SYK: variants seen among roughly 807,000 people sequenced by gnomAD.
SYK encodes the protein spleen associated tyrosine kinase, also known as tyrosine-protein kinase SYK.
SYK carries 16 observed loss-of-function variants against 77.8 expected under a neutral mutation model. That is an observed-to-expected ratio of 0.21 (90% confidence interval 0.14 to 0.31). The LOEUF is 0.31. Among genes scored for constraint, SYK ranks in the 10% least tolerant of loss-of-function variants. The pLI is 1.00. For synonymous variants in SYK, 312 were observed against 308.7 expected (o/e 1.01, Z -0.11); for missense variants, 529 against 814.4 (o/e 0.65, Z 4.26).
chr9:90,891,104 C>A (rs1828767248), intron 13 of SYK, among the ~76,000 whole-genome samples: 1 of 151,010 alleles, frequency 6.6e-6, no homozygotes, highest in South Asian at 2.1e-4. Flanking sequence ...TTTTATTATG[C>A]AGATGAGGTC....
At chr9:90,831,759 A>G (rs1235855603) in intron 1 of SYK, among the ~76,000 whole-genome samples, 2 of 152,218 alleles carry the variant, frequency 1.3e-5, no homozygotes, top group African/African-American at 4.8e-5. Context: ...GCACAAGGTG[A>G]CACTCTGCTT....
chr9:90,868,200 A>G (rs916076322), intron 7 of SYK, among the ~76,000 whole-genome samples: 25 of 152,238 alleles, frequency 1.6e-4, no homozygotes, highest in African/African-American at 6.0e-4. Flanking sequence ...CGAGAGGAAG[A>G]AAAGGTTTAT....
rs997969105 is a variant in SYK at position 90,897,182 on chromosome 9, G to A, written c.*1582G>A. ...GGACAGCAGGCCCTCCTCTAACAGGGGATGCAAGGCATGGAGAAAGACAAT... is the reference window on the plus strand; with the variant it reads ...GGACAGCAGGCCCTCCTCTAACAGGAGATGCAAGGCATGGAGAAAGACAAT... On this transcript the variant is annotated 3_prime_UTR_variant, in exon 14 of 14. Coordinates refer to ENST00000375754, the MANE Select transcript of SYK (RefSeq NM_003177.7). 2.2e-5 allele frequency: 5 copies of A among 231,228 alleles called. No homozygotes were observed. The highest frequency in any genetic ancestry group is 6.1e-5 in the East Asian group (1 of 16,390). 14.3% of individuals were successfully genotyped at this position (231,228 alleles called of 1,614,324 possible).
chr9:90,820,123 T>C (rs964946635), intron 1 of SYK, among the ~76,000 whole-genome samples: 2 of 152,220 alleles, frequency 1.3e-5, no homozygotes. Context: ...TTGGACAGCT[T>C]CATCCCTGTG....
chr9:90,821,801 T>C (rs1825528409), intron 1 of SYK, among the ~76,000 whole-genome samples: 1 of 152,152 alleles, frequency 6.6e-6, no homozygotes, highest in Non-Finnish European at 1.5e-5. Flanking sequence ...GACTTTGCTG[T>C]TTAGAGTACC....
intron 1 of SYK, among the ~76,000 whole-genome samples, chr9:90,821,979 T>G (rs1825535090): frequency 6.6e-6 from 1 of 152,094 alleles, no homozygotes. Context: ...ATAAGGTGCC[T>G]TTACACAGAA....
chr9:90,855,277 T>C (rs1465702293), intron 3 of SYK, among the ~76,000 whole-genome samples: 1 of 152,196 alleles, frequency 6.6e-6, no homozygotes, highest in Non-Finnish European at 1.5e-5. Flanking sequence ...TGCAAAGGAT[T>C]AATAACATCT....
chr9:90,879,515 A>G (rs1282062177), intron 11 of SYK, among the ~76,000 whole-genome samples: 1 of 152,238 alleles, frequency 6.6e-6, no homozygotes, highest in Non-Finnish European at 1.5e-5. Flanking sequence ...CTATTCCAAA[A>G]TAACTTTCTA....
chr9:90,819,623 T>C (rs1316749312), intron 1 of SYK, among the ~76,000 whole-genome samples: 1 of 152,126 alleles, frequency 6.6e-6, no homozygotes, highest in Non-Finnish European at 1.5e-5. Flanking sequence ...CTGGCCCCCA[T>C]GATTCAATTA....
Position 90,853,859 on chromosome 9 carries a change from C to T in SYK, c.578+8265C>T, listed in dbSNP as rs548141554. 5.8e-4 allele frequency among the ~76,000 whole-genome samples: 88 copies of T among 151,550 alleles called. 1 individual carries two copies. Among genetic ancestry groups the T allele is most frequent in the South Asian group, 3.8e-3 (18 of 4,768 alleles). On this transcript the variant is annotated intron_variant, in intron 3 of 13. Coordinates refer to ENST00000375754, the MANE Select transcript of SYK (RefSeq NM_003177.7). ...CACATTGTGCACATGTACCCTAAAA[C>T]TTAAAGTATAATAATAATAAAATAA... is the stretch of plus-strand genomic sequence containing the variant.
chr9:90,822,387 T>A (rs1288549123), intron 1 of SYK, among the ~76,000 whole-genome samples: 1 of 152,202 alleles, frequency 6.6e-6, no homozygotes, highest in African/African-American at 2.4e-5. Context: ...AGTAGACAGA[T>A]CACAGCCTTC....
intron 11 of SYK, among the ~76,000 whole-genome samples, chr9:90,881,400 C>G (rs1828143641): frequency 6.6e-6 from 1 of 152,038 alleles, no homozygotes; most frequent in African/African-American, 2.4e-5. Context: ...AAAAAGTGGG[C>G]CGGGCGTGGT....
chr9:90,844,946 A>T (rs1055369971), intron 2 of SYK, among the ~76,000 whole-genome samples: 31 of 151,690 alleles, frequency 2.0e-4, no homozygotes, highest in Admixed American at 1.8e-3. Flanking sequence ...TTTATTTTTT[A>T]TTTTTTTGAG....
intron 1 of SYK, among the ~76,000 whole-genome samples, chr9:90,803,881 C>T (rs1824713805): frequency 1.3e-5 from 2 of 152,024 alleles, no homozygotes; most frequent in African/African-American, 4.8e-5. Context: ...CCTGTAATTC[C>T]ATGCATTAAT....
intron 1 of SYK, among the ~76,000 whole-genome samples, chr9:90,810,962 G>A (rs530401040): frequency 1.3e-4 from 20 of 151,678 alleles, no homozygotes; most frequent in African/African-American, 2.2e-4. Flanking sequence ...ACGGCAAATC[G>A]TTTGGAAAAA....
rs759073704 is a variant in SYK at position 90,843,874 on chromosome 9, G to C, written c.-25G>C. Reference sequence around the variant, plus strand: ...CTTGCCCAGGTGGACACCTGCGCAGGTGTGTGCCCTCCGGCCCCTGAAGCA... The same window carrying C: ...CTTGCCCAGGTGGACACCTGCGCAGCTGTGTGCCCTCCGGCCCCTGAAGCA... On this transcript the variant is annotated 5_prime_UTR_variant, in exon 2 of 14. Coordinates refer to ENST00000375754, the MANE Select transcript of SYK (RefSeq NM_003177.7). 2.1e-5 allele frequency: 31 copies of C among 1,487,988 alleles called. No individual in the cohort carries two copies. Among genetic ancestry groups the C allele is most frequent in the African/African-American group, 4.2e-5 (3 of 71,442 alleles). 92.2% of individuals were successfully genotyped at this position (1,487,988 alleles called of 1,614,324 possible). A position where few individuals can be genotyped will look rare whatever the true frequency, so the allele number is the denominator to read the frequency against.
At chr9:90,875,098 A>G (rs1403499403) in intron 9 of SYK, among the ~76,000 whole-genome samples, 1 of 152,114 alleles carries the variant, frequency 6.6e-6, no homozygotes, top group African/African-American at 2.4e-5. Context: ...AAGCAGAAAC[A>G]TAAGAAAATA....
At position 90,864,624 on chromosome 9, in the gene SYK, G is replaced by A; in HGVS notation, c.753G>A (p.Leu251=). The stretch of plus-strand genomic sequence containing the variant: ...ATTATTCTTATAAAGCAGATGGTTT[G>A]TTAAGAGTTCTTACTGTCCCATGTC... ...VEHYSYKADG[L]LRVLTVPCQK... The change falls in exon 5 of 14, where the codon TTG becomes TTA. Residue 251 remains leucine (L), a synonymous_variant. Coordinates refer to ENST00000375754, the MANE Select transcript of SYK (RefSeq NM_003177.7). The A allele has an allele frequency of 6.2e-7, 1 of 1,614,132 alleles. No individual in the cohort carries two copies. Among genetic ancestry groups the A allele is most frequent in the Non-Finnish European group, 8.5e-7 (1 of 1,180,018 alleles).
At chr9:90,817,559 GT>G (rs778375417) in intron 1 of SYK, among the ~76,000 whole-genome samples, 1 of 151,434 alleles carries the variant, frequency 6.6e-6, no homozygotes, top group African/African-American at 2.4e-5. Flanking sequence ...TTTGTTTTTT[GT>G]TTTTTGGCCC....
Sources: gnomAD v4.1 joint callset for allele counts (sites outside exome capture counted in the v4.1 genomes callset) on GRCh38, gnomAD v4.1.1 for gene constraint, MANE v1.5 for transcripts, NCBI Gene and HGNC (gene_info 2026-07-23, HGNC 2026-07-21) for gene names.